Variants in PJA2 observed in about 807,000 individuals in gnomAD.
PJA2 encodes the protein praja ring finger ubiquitin ligase 2, also known as E3 ubiquitin-protein ligase Praja-2.
In PJA2, 25 loss-of-function variants were observed where a neutral mutation model predicts 69.3. The observed-to-expected ratio is 0.36, with a 90% CI of 0.26 to 0.50. The LOEUF (loss-of-function observed/expected upper bound fraction) is 0.50. Among genes scored for constraint, PJA2 ranks in the 20% least tolerant of loss-of-function variants. The pLI, the probability that PJA2 is intolerant of heterozygous loss-of-function variation, is 0.96. For missense variants in PJA2, 809 were observed against 830.2 expected, an observed-to-expected ratio of 0.97 and a Z score of 0.31; for synonymous variants, 308 against 277.8, an observed-to-expected ratio of 1.11 and a Z score of -1.08.
chr5:109,345,615 T>C (rs1364270666), intron 7 of PJA2, among the ~76,000 whole-genome samples: 1 of 152,042 alleles, frequency 6.6e-6, no homozygotes, highest in African/African-American at 2.4e-5. Flanking sequence ...TTGGTTCCTA[T>C]GTGAGATCAA....
intron 1 of PJA2, among the ~76,000 whole-genome samples, chr5:109,406,343 C>CCATT (rs1307857691): frequency 1.3e-5 from 2 of 152,082 alleles, no homozygotes; most frequent in Non-Finnish European, 2.9e-5. Flanking sequence ...CCAGGCCCAC[C>CCATT]CATTGTTGTT....
intron 1 of PJA2, among the ~76,000 whole-genome samples, chr5:109,400,756 G>C (rs1457303122): frequency 6.6e-6 from 1 of 152,042 alleles, no homozygotes; most frequent in Non-Finnish European, 1.5e-5. Context: ...GAGGCAGGTG[G>C]ATCACGAGGT....
chr5:109,401,367 G>C (rs1249184082), intron 1 of PJA2, among the ~76,000 whole-genome samples: 3 of 152,088 alleles, frequency 2.0e-5, no homozygotes, highest in Non-Finnish European at 4.4e-5. Flanking sequence ...GGCTAAGGTG[G>C]GAGAATTGCT....
At chr5:109,388,548 G>T (rs1197137330) in intron 1 of PJA2, among the ~76,000 whole-genome samples, 1 of 152,012 alleles carries the variant, frequency 6.6e-6, no homozygotes, top group Admixed American at 6.6e-5. Context: ...GAAGATTTAG[G>T]CACAGGGAGA....
In PJA2 at chr5:109,334,838, A is replaced by AT. The variant is rs1484778358; in HGVS notation, c.*2392dup. ...TGGGCTTTTGAAAAACTTGCATTCC[A>AT]TTTTAACAATTCGTATGTATCTAAC... On this transcript the variant is annotated 3_prime_UTR_variant, in exon 10 of 10. Coordinates refer to ENST00000361189, the MANE Select transcript of PJA2 (RefSeq NM_014819.5). The AT allele has an allele frequency of 2.0e-5, 3 of 152,638 alleles. No homozygotes were observed. Among genetic ancestry groups the AT allele is most frequent in the African/African-American group, 7.2e-5 (3 of 41,458 alleles). The allele number at this position is 152,638 out of a possible 1,614,324, so 9.5% of individuals were successfully genotyped here. A position where few individuals can be genotyped will look rare whatever the true frequency, so the allele number is the denominator to read the frequency against.
chr5:109,351,150 ATATC>A (rs1322200409), intron 7 of PJA2, among the ~76,000 whole-genome samples: 4 of 152,082 alleles, frequency 2.6e-5, no homozygotes, highest in Non-Finnish European at 5.9e-5. Flanking sequence ...AATCTAAAGA[ATATC>A]TAGACAAGTT....
intron 1 of PJA2, among the ~76,000 whole-genome samples, chr5:109,408,005 C>T (rs1747729100): frequency 2.0e-5 from 3 of 152,054 alleles, no homozygotes. Context: ...AGAAGAAATG[C>T]ATAAGAAACA....
chr5:109,377,197 C>A (rs1746911680), intron 4 of PJA2, among the ~76,000 whole-genome samples: 1 of 152,002 alleles, frequency 6.6e-6, no homozygotes, highest in African/African-American at 2.4e-5. Context: ...CAAAGAAAAT[C>A]AAATGAATTG....
chr5:109,404,135 A>G (rs1054288745), intron 1 of PJA2, among the ~76,000 whole-genome samples: 1 of 152,122 alleles, frequency 6.6e-6, no homozygotes, highest in Non-Finnish European at 1.5e-5. Flanking sequence ...TAGAATGGGA[A>G]CATCCTCAAT....
At position 109,344,172 on chromosome 5, in the gene PJA2, A is replaced by T. The variant is rs775978144; in HGVS notation, c.2001+18T>A. ...ACTATTAAAGTATTTTTAAATTTTT[A>T]ATTATTCTATCACTCACCTTTTGTA... On this transcript the variant is annotated intron_variant, in intron 9 of 9. Transcript: ENST00000361189. 6.6e-7 allele frequency: 1 copy of T among 1,511,760 alleles called. No individual in the cohort carries two copies. Among genetic ancestry groups the T allele is most frequent in the Non-Finnish European group, 8.9e-7 (1 of 1,125,008 alleles). The allele number at this position is 1,511,760 out of a possible 1,614,324, so 93.6% of individuals were successfully genotyped here.
At chr5:109,354,428 T>C (rs1323159134) in intron 7 of PJA2, among the ~76,000 whole-genome samples, 1 of 141,892 alleles carries the variant, frequency 7.0e-6, no homozygotes, top group Non-Finnish European at 1.5e-5. Flanking sequence ...ATATCTATGA[T>C]ATCTAGAGAT....
intron 1 of PJA2, among the ~76,000 whole-genome samples, chr5:109,401,817 T>C (rs769829723): frequency 5.3e-4 from 81 of 152,198 alleles, no homozygotes; most frequent in Admixed American, 9.8e-4. Context: ...ATTTAACTTG[T>C]ACTAACTACT....
intron 7 of PJA2, among the ~76,000 whole-genome samples, chr5:109,354,098 A>AGATATCTATAGATTAGATATCTAT (rs1762345949): frequency 8.7e-6 from 1 of 115,588 alleles, no homozygotes. Flanking sequence ...CTATATCTAG[A>AGATATCTATAGATTAGATATCTAT]GATATCTATA....
chr5:109,347,143 A>T (rs982023759), intron 7 of PJA2, among the ~76,000 whole-genome samples: 7 of 152,250 alleles, frequency 4.6e-5, no homozygotes, highest in African/African-American at 2.4e-5. Flanking sequence ...TGAACACTAA[A>T]TTTGACTCTG....
chr5:109,359,944 T>G (rs2126997317), intron 6 of PJA2, among the ~76,000 whole-genome samples: 1 of 152,190 alleles, frequency 6.6e-6, no homozygotes, highest in South Asian at 2.1e-4. Context: ...TGCCTGCAAC[T>G]TACTCATAAG....
At chr5:109,402,850 T>C (rs781688582) in intron 1 of PJA2, among the ~76,000 whole-genome samples, 1 of 152,034 alleles carries the variant, frequency 6.6e-6, no homozygotes, top group Non-Finnish European at 1.5e-5. Flanking sequence ...GCAACCTTCA[T>C]GGGTCAAAGT....
At position 109,368,714 on chromosome 5, in the gene PJA2, G is replaced by A; in HGVS notation, c.1316C>T (p.Ser439Phe). ...TGTACCAGAAAATCGATGAGGCAAA[G>A]AAGCAGACCATTCCCCATCACTGCA... ...SECSDGEWSA[S>F]LPHRFSGTEK... Residue 439 changes from serine to phenylalanine, a missense_variant, in exon 5 of 10, where the codon TCT becomes TTT. Around this residue, in one of 4 missense-constraint regions of PJA2, gnomAD observed 700 missense variants for 639.5 expected, o/e 1.09. Coordinates refer to ENST00000361189, the MANE Select transcript of PJA2 (RefSeq NM_014819.5). 1 of 1,613,952 alleles carries A rather than the reference G, an allele frequency of 6.2e-7. No individual in the cohort carries two copies. Among genetic ancestry groups the A allele is most frequent in the Non-Finnish European group, 8.5e-7 (1 of 1,179,942 alleles).
intron 5 of PJA2, among the ~76,000 whole-genome samples, chr5:109,367,819 T>C (rs1483627368): frequency 6.6e-6 from 1 of 152,214 alleles, no homozygotes; most frequent in African/African-American, 2.4e-5. Flanking sequence ...TTCTTCATGA[T>C]CAGGGCAAAA....
intron 6 of PJA2, 92 bp downstream of exon 6, chr5:109,362,748 A>T: frequency 7.9e-7 from 1 of 1,266,532 alleles, no homozygotes; most frequent in Middle Eastern, 2.0e-4. Flanking sequence ...GAAAATTATA[A>T]TATTTCTCAG....
Sources: allele counts gnomAD v4.1 joint callset (sites outside exome capture counted in the v4.1 genomes callset), GRCh38; gene constraint gnomAD v4.1.1; regional missense constraint gnomAD v4.1.1; transcripts MANE v1.5; gene names NCBI Gene and HGNC (gene_info 2026-07-23, HGNC 2026-07-21).